Variants in SYNPR observed in about 807,000 individuals in gnomAD.
SYNPR encodes synaptoporin.
SYNPR carries 23 observed loss-of-function variants against 32.9 expected under a neutral mutation model. The ratio of observed to expected loss-of-function variants is 0.70; its 90% CI spans 0.50 to 0.99. The LOEUF (loss-of-function observed/expected upper bound fraction) is 0.99. Among genes scored for constraint, SYNPR ranks in the 50% least tolerant of loss-of-function variants. The probability of loss-of-function intolerance (pLI) is 0.00; values close to 1 mark genes in which losing one functional copy is unlikely to be tolerated. For synonymous variants in SYNPR, 146 were observed against 135.9 expected (o/e 1.07, Z -0.52); for missense variants, 318 against 349.3 (o/e 0.91, Z 0.71).
intron 1 of SYNPR, among the ~76,000 whole-genome samples, chr3:63,245,075 T>C (rs753089935): frequency 6.6e-6 from 1 of 152,088 alleles, no homozygotes; most frequent in Non-Finnish European, 1.5e-5. Context: ...CTCCAAAGCA[T>C]AAGGAAAGGG....
chr3:63,293,078 A>G (rs1033187995), intron 2 of SYNPR, among the ~76,000 whole-genome samples: 3 of 152,212 alleles, frequency 2.0e-5, no homozygotes, highest in Admixed American at 6.5e-5. Context: ...AATAGTAGAA[A>G]TTCACTACAA....
intron 2 of SYNPR, among the ~76,000 whole-genome samples, chr3:63,367,381 A>G (rs1396100809): frequency 6.6e-6 from 1 of 151,856 alleles, no homozygotes; most frequent in Non-Finnish European, 1.5e-5. Context: ...TTAATTTTAG[A>G]TAAGATCTGG....
At chr3:63,496,930 G>A (rs1157816875) in intron 3 of SYNPR, among the ~76,000 whole-genome samples, 1 of 152,114 alleles carries the variant, frequency 6.6e-6, no homozygotes, top group Non-Finnish European at 1.5e-5. Flanking sequence ...AAAATGAAAA[G>A]GGAATGGGCT....
At chr3:63,246,026 A>G (rs960268236) in intron 1 of SYNPR, among the ~76,000 whole-genome samples, 1 of 152,008 alleles carries the variant, frequency 6.6e-6, no homozygotes, top group African/African-American at 2.4e-5. Flanking sequence ...GAAAAGGAAA[A>G]AAGTGCTTTT....
intron 2 of SYNPR, among the ~76,000 whole-genome samples, chr3:63,391,135 A>G (rs1396663290): frequency 1.3e-5 from 2 of 152,162 alleles, no homozygotes; most frequent in Admixed American, 6.5e-5. Context: ...TCTTCCTGGA[A>G]ATCTCTCTAT....
At chr3:63,254,753 C>T (rs761029345) in intron 2 of SYNPR, among the ~76,000 whole-genome samples, 5 of 152,006 alleles carry the variant, frequency 3.3e-5, no homozygotes, top group Admixed American at 6.6e-5. Context: ...ATCCCTAGTA[C>T]CTTGGAATGT....
chr3:63,411,110 C>A (rs569908231), intron 2 of SYNPR, among the ~76,000 whole-genome samples: 2 of 152,004 alleles, frequency 1.3e-5, no homozygotes, highest in African/African-American at 4.8e-5. Context: ...AAACCTGATC[C>A]GATGCAATGT....
chr3:63,490,189 C>A (rs1040205509), intron 3 of SYNPR, among the ~76,000 whole-genome samples: 2 of 151,938 alleles, frequency 1.3e-5, no homozygotes, highest in East Asian at 1.9e-4. Context: ...GAGCAAAGGA[C>A]AAGAGCAGAG....
chr3:63,278,225 G>T (rs1214624671), upstream of SYNPR: 3 of 338,730 alleles, frequency 8.9e-6, no homozygotes, highest in Non-Finnish European at 1.6e-5. Context: ...CTGGAGCGCG[G>T]CTGGCCAATG....
intron 2 of SYNPR, among the ~76,000 whole-genome samples, chr3:63,406,812 G>C (rs2088366597): frequency 6.6e-6 from 1 of 152,094 alleles, no homozygotes; most frequent in Non-Finnish European, 1.5e-5. Context: ...ATTAACTTCA[G>C]AGGCCCACAC....
At chr3:63,210,659 T>G in the SYNPR span, among the ~76,000 whole-genome samples, 3 of 152,216 alleles carry the variant, frequency 2.0e-5, no homozygotes, top group Non-Finnish European at 4.4e-5. Context: ...ATAGGAATGA[T>G]GAAGAGAAGA....
chr3:63,274,393 C>T (rs965352383), upstream of SYNPR, among the ~76,000 whole-genome samples: 5 of 144,178 alleles, frequency 3.5e-5, no homozygotes, highest in Non-Finnish European at 4.5e-5. Context: ...TTTTCATTTG[C>T]GAACAAGGTA....
In SYNPR at chr3:63,537,601, T is replaced by C. The variant is rs369616548; in HGVS notation, c.210-18942T>C. Among the ~76,000 whole-genome samples the C allele has an allele frequency of 6.9e-4, 105 of 152,230 alleles. No homozygotes were observed. The Middle Eastern group carries it at 0.01, about 15-fold the overall frequency. ...CAATTAGAAATGTTTACTGAAGAAA[T>C]GAATGAATGAATGCTTAAAGGCAGA... On this transcript the variant is annotated intron_variant, in intron 3 of 5. Transcript: ENST00000478300.
intron 4 of SYNPR, among the ~76,000 whole-genome samples, chr3:63,559,297 T>C (rs6762720): frequency 0.43 from 64,951 of 151,870 alleles, 14,516 homozygotes; most frequent in African/African-American, 0.55. Context: ...AGGCTGGTCT[T>C]GAGCTCCTGG....
chr3:63,559,841 C>A (rs1459962342), intron 4 of SYNPR, among the ~76,000 whole-genome samples: 1 of 152,036 alleles, frequency 6.6e-6, no homozygotes. Flanking sequence ...ATGCATATAC[C>A]ATAAATCCAG....
chr3:63,585,886 A>G (rs1233647789), intron 4 of SYNPR, among the ~76,000 whole-genome samples: 5 of 152,144 alleles, frequency 3.3e-5, no homozygotes, highest in African/African-American at 1.2e-4. Flanking sequence ...AAGTAACATA[A>G]CTGAGCCTAG....
chr3:63,240,929 C>A (rs764904620), intron 1 of SYNPR, among the ~76,000 whole-genome samples: 1 of 152,082 alleles, frequency 6.6e-6, no homozygotes, highest in Non-Finnish European at 1.5e-5. Flanking sequence ...ATTGACCACA[C>A]CCATGCATGC....
At chr3:63,229,764 T>C (rs1452780372) in intron 1 of SYNPR, among the ~76,000 whole-genome samples, 1 of 152,192 alleles carries the variant, frequency 6.6e-6, no homozygotes, top group Non-Finnish European at 1.5e-5. Flanking sequence ...ATTTACTCAC[T>C]TCTTAACACT....
chr3:63,257,956 G>C (rs759381598), intron 2 of SYNPR, among the ~76,000 whole-genome samples: 1 of 152,116 alleles, frequency 6.6e-6, no homozygotes, highest in Admixed American at 6.5e-5. Context: ...AACCAACAAA[G>C]ATCAAAAGAG....
Sources: gnomAD v4.1 joint callset for allele counts (sites outside exome capture counted in the v4.1 genomes callset) on GRCh38, gnomAD v4.1.1 for gene constraint, MANE v1.5 for transcripts, NCBI Gene and HGNC (gene_info 2026-07-23, HGNC 2026-07-21) for gene names.